CYP51A1: variants seen among roughly 807,000 people sequenced by gnomAD.
The protein encoded by CYP51A1 is cytochrome P450 family 51 subfamily A member 1.
Under a neutral mutation model 53.5 loss-of-function variants are expected in CYP51A1, and 45 were observed. That is an observed-to-expected ratio of 0.84 (90% confidence interval 0.66 to 1.08). The LOEUF is 1.08. Among genes scored for constraint, CYP51A1 ranks in the 50% least tolerant of loss-of-function variants. The pLI, the probability that CYP51A1 is intolerant of heterozygous loss-of-function variation, is 0.00. For synonymous variants in CYP51A1, 181 were observed against 217.7 expected, an observed-to-expected ratio of 0.83 and a Z score of 1.48; for missense variants, 462 against 621.7, an observed-to-expected ratio of 0.74 and a Z score of 2.73.
intron 2 of CYP51A1, among the ~76,000 whole-genome samples, chr7:92,129,903 A>C (rs1200104518): frequency 6.6e-6 from 1 of 152,136 alleles, no homozygotes; most frequent in Non-Finnish European, 1.5e-5. Context: ...CAAAGGCCCT[A>C]AAAGTAAGAG....
Position 92,112,474 on chromosome 7 carries a change from AGTTT to A in CYP51A1, c.*1187_*1190del, listed in dbSNP as rs2130937400. On this transcript the variant is annotated 3_prime_UTR_variant, in exon 10 of 10. Transcript: ENST00000003100. ...TGATCTCACATTTTAAAAAGAAAAA[AGTTT>A]GTTAACTGTTTTAATCAATATGAGT... 1.3e-5 allele frequency: 2 copies of A among 152,342 alleles called. No individual in the cohort carries two copies. The highest frequency in any genetic ancestry group is 3.9e-4 in the East Asian group (2 of 5,194). The allele number at this position is 152,342 out of a possible 1,614,324, so 9.4% of individuals were successfully genotyped here. A position where few individuals can be genotyped will look rare whatever the true frequency, so the allele number is the denominator to read the frequency against.
chr7:92,126,547 A>G (rs1279737081), intron 4 of CYP51A1, 120 bp from the exon 5 acceptor site: 6 of 820,590 alleles, frequency 7.3e-6, no homozygotes, highest in Non-Finnish European at 1.1e-5. Flanking sequence ...AAAAGTCTGT[A>G]GACAGACATG....
At chr7:92,130,949 A>G (rs1819904659) in intron 2 of CYP51A1, among the ~76,000 whole-genome samples, 1 of 152,196 alleles carries the variant, frequency 6.6e-6, no homozygotes, top group African/African-American at 2.4e-5. Flanking sequence ...GAAGAAACTA[A>G]TCTGGTGCAG....
rs1186056985 is a variant in CYP51A1 at position 92,117,170 on chromosome 7, C to T, written c.1225G>A (p.Val409Ile). 1.2e-6 allele frequency: 2 copies of T among 1,614,064 alleles called. No individual in the cohort carries two copies. The highest frequency in any genetic ancestry group is 1.7e-6 in the Non-Finnish European group (2 of 1,179,966). The change falls in exon 9 of 10, where the codon GTT (valine) becomes ATT (isoleucine). Residue 409 changes from valine (V) to isoleucine (I), a missense_variant. By Grantham distance (29) the Val-to-Ile change is conservative. Coordinates refer to ENST00000003100, the MANE Select transcript of CYP51A1 (RefSeq NM_000786.4). ...AGTCTTTGATTGACAGTGGGAGAAA[C>T]ACACACCTGATGTCCTGGAGGAATG... ...YTIPPGHQVC[V>I]SPTVNQRLKD...
intron 2 of CYP51A1, 27 bp downstream of exon 2, chr7:92,131,747 T>A (rs1290593263): frequency 8.1e-7 from 1 of 1,232,776 alleles, no homozygotes; most frequent in Non-Finnish European, 1.2e-6. Context: ...TTTTTTTTTT[T>A]TTCCTCTAAT....
At chr7:92,127,427 A>G in intron 4 of CYP51A1, 78 bp downstream of exon 4, 2 of 1,354,530 alleles carry the variant, frequency 1.5e-6, no homozygotes, top group Non-Finnish European at 2.0e-6. Flanking sequence ...TTTTTTATAT[A>G]CTACACACAT....
In CYP51A1 at chr7:92,128,862, G is replaced by T. The variant is rs776166464; in HGVS notation, c.468+18C>A. 1 of 1,599,072 alleles carries T rather than the reference G, an allele frequency of 6.3e-7. No homozygotes were observed. Among genetic ancestry groups the T allele is most frequent in the Admixed American group, 1.7e-5 (1 of 58,542 alleles). ...GAGGTATAGATTTGTCTTTATTTATGGTAACAGTGTCACCTACTGGATTAG... is the reference window on the plus strand; with the variant it reads ...GAGGTATAGATTTGTCTTTATTTATTGTAACAGTGTCACCTACTGGATTAG... On this transcript the variant is annotated intron_variant, in intron 3 of 9. Transcript: ENST00000003100.
At chr7:92,117,307 T>A in intron 8 of CYP51A1, 95 bp from the exon 9 acceptor site, 1 of 1,031,550 alleles carries the variant, frequency 9.7e-7, no homozygotes, top group South Asian at 1.6e-5. Context: ...ATACATGGGA[T>A]ACTCAGATGC....
intron 5 of CYP51A1, among the ~76,000 whole-genome samples, chr7:92,125,766 C>T (rs966252914): frequency 6.6e-6 from 1 of 152,134 alleles, no homozygotes; most frequent in Non-Finnish European, 1.5e-5. Flanking sequence ...GAGGCTGAGG[C>T]AGGTGGATCA....
At chr7:92,133,413 T>C (rs923528051) in intron 1 of CYP51A1, among the ~76,000 whole-genome samples, 1 of 152,092 alleles carries the variant, frequency 6.6e-6, no homozygotes. Flanking sequence ...TGCCACCACA[T>C]CCAGCTAATT....
chr7:92,134,424 G>T lies in CYP51A1; in HGVS notation c.-60C>A. On this transcript the variant is annotated 5_prime_UTR_variant, in exon 1 of 10. Transcript: ENST00000003100. ...CACCGCTCCTCCCAATCGACGGAAC[G>T]AGAGAAGCTGGCAGATGGTCGTCCA... is the stretch of plus-strand genomic sequence containing the variant. 1 of 1,471,132 alleles carries T rather than the reference G, an allele frequency of 6.8e-7. No individual in the cohort carries two copies. 91.1% of individuals were successfully genotyped at this position (1,471,132 alleles called of 1,614,324 possible). A position where few individuals can be genotyped will look rare whatever the true frequency, so the allele number is the denominator to read the frequency against.
chr7:92,125,650 T>C (rs1478906401), intron 5 of CYP51A1, among the ~76,000 whole-genome samples: 1 of 152,232 alleles, frequency 6.6e-6, no homozygotes, highest in Non-Finnish European at 1.5e-5. Flanking sequence ...GTATCACTTT[T>C]AGGTATAGTT....
upstream of CYP51A1, chr7:92,134,513 A>C: frequency 1.3e-6 from 1 of 755,036 alleles, no homozygotes; most frequent in Non-Finnish European, 2.1e-6. Flanking sequence ...CACGCGCGCC[A>C]CCCCGTGCGT....
rs563639217 is a variant in CYP51A1, at chr7:92,113,453, T to A, written c.*212A>T. 30 of 492,982 alleles carry A rather than the reference T, an allele frequency of 6.1e-5. No individual in the cohort carries two copies. The South Asian group carries it at 8.1e-4, about 13-fold the overall frequency. The allele number at this position is 492,982 out of a possible 1,614,324, so 30.5% of individuals were successfully genotyped here. A position where few individuals can be genotyped will look rare whatever the true frequency, so the allele number is the denominator to read the frequency against. On this transcript the variant is annotated 3_prime_UTR_variant, in exon 10 of 10. Transcript: ENST00000003100. ...CCAAGGAACTTCCTGAAAGCACATG[T>A]ATAAGTATCATAACTATTAGAAAAT...
intron 5 of CYP51A1, among the ~76,000 whole-genome samples, chr7:92,124,181 G>T (rs1236909849): frequency 2.0e-5 from 3 of 152,162 alleles, no homozygotes; most frequent in African/African-American, 7.2e-5. Context: ...TCAACAGAAA[G>T]TAGGATACTC....
intron 7 of CYP51A1, 89 bp downstream of exon 7, chr7:92,123,031 T>C (rs1819720642): frequency 4.1e-6 from 4 of 968,582 alleles, no homozygotes. Flanking sequence ...AGCTATAGTA[T>C]ATAGAAAATC....
chr7:92,128,455 T>TGTGTGTGTGTGCGC (rs759739146), intron 3 of CYP51A1, among the ~76,000 whole-genome samples: 2 of 102,046 alleles, frequency 2.0e-5, no homozygotes, highest in Admixed American at 1.8e-4. Context: ...TGTGTGTGTG[T>TGTGTGTGTGTGCGC]GCGCGTGCGT....
At chr7:92,130,862 T>C (rs928260459) in intron 2 of CYP51A1, among the ~76,000 whole-genome samples, 1 of 152,150 alleles carries the variant, frequency 6.6e-6, no homozygotes, top group African/African-American at 2.4e-5. Context: ...AGTGGAAAAG[T>C]AGGCCCAATC....
intron 9 of CYP51A1, among the ~76,000 whole-genome samples, chr7:92,115,599 A>G (rs1357686544): frequency 6.6e-6 from 1 of 152,196 alleles, no homozygotes; most frequent in Non-Finnish European, 1.5e-5. Flanking sequence ...ACTGTGATAG[A>G]ATATATTTCT....
Sources: allele counts gnomAD v4.1 joint callset (sites outside exome capture counted in the v4.1 genomes callset), GRCh38; gene constraint gnomAD v4.1.1; transcripts MANE v1.5; gene names NCBI Gene and HGNC (gene_info 2026-07-23, HGNC 2026-07-21).